The following S100A2 variants were observed in gnomAD, a reference collection of about 807,000 sequenced individuals.
S100A2 encodes the protein protein S100-A2.
Under a neutral mutation model 4.3 loss-of-function variants are expected in S100A2, and 5 were observed. The ratio of observed to expected loss-of-function variants is 1.16; its 90% CI spans 0.61 to 2.44. S100A2 has a LOEUF of 2.44. Among genes scored for constraint, S100A2 ranks in the 30% most tolerant of loss-of-function variants. The pLI is 0.01. For missense variants in S100A2, 103 were observed against 114.7 expected (o/e 0.90, Z 0.47); for synonymous variants, 44 against 46.0 (o/e 0.96, Z 0.17).
intron 2 of S100A2, among the ~76,000 whole-genome samples, chr1:153,562,633 G>A (rs1665918293): frequency 6.6e-6 from 1 of 152,146 alleles, no homozygotes; most frequent in South Asian, 2.1e-4. Flanking sequence ...TCCACAAAAT[G>A]TCCCAGACTA....
Position 153,564,899 on chromosome 1 carries a change from C to T in S100A2, c.-11+607G>A, listed in dbSNP as rs544915629. 6.1e-5 allele frequency among the ~76,000 whole-genome samples: 9 copies of T among 147,206 alleles called. No homozygotes were observed. The East Asian group carries it at 1.8e-3, about 29-fold the overall frequency. On this transcript the variant is annotated intron_variant, in intron 1 of 2. Transcript: ENST00000368708. ...AGGATTCTTTTTGCAGCAACGCCCA[C>T]ATGCACACCTCCTGCTCCTAGGCCT... is the stretch of plus-strand genomic sequence containing the variant.
intron 2 of S100A2, chr1:153,563,364 C>T (rs1392623261): frequency 6.6e-7 from 1 of 1,508,712 alleles, no homozygotes; most frequent in African/African-American, 1.4e-5. Flanking sequence ...AAGAGGGAAA[C>T]TCCATCTCAA....
At chr1:153,563,529 C>G (rs927473029) in intron 2 of S100A2, 43 of 1,550,884 alleles carry the variant, frequency 2.8e-5, no homozygotes, top group Non-Finnish European at 3.4e-5. Flanking sequence ...ACATGGTTCT[C>G]TGGAATGCTG....
intron 2 of S100A2, chr1:153,563,444 T>C (rs1393681525): frequency 6.4e-7 from 1 of 1,550,470 alleles, no homozygotes; most frequent in South Asian, 1.2e-5. Context: ...GACAATCACT[T>C]TTCCCTTCTG....
At chr1:153,561,669 T>A in intron 2 of S100A2, 78 bp from the exon 3 acceptor site, 22 of 1,604,272 alleles carry the variant, frequency 1.4e-5, no homozygotes, top group Non-Finnish European at 1.8e-5. Flanking sequence ...CCCTCACACA[T>A]TCAGGTTGGT....
intron 2 of S100A2, among the ~76,000 whole-genome samples, chr1:153,561,993 G>A (rs1665904857): frequency 6.6e-6 from 1 of 152,208 alleles, no homozygotes; most frequent in Non-Finnish European, 1.5e-5. Context: ...ACAAGGTCTT[G>A]CTCTGTTGCC....
Position 153,563,826 on chromosome 1 carries a change from G to A in S100A2, c.52C>T (p.His18Tyr). ...QALAVLVTTF[H>Y]KYSCQEGDKF... ...TCGCCCTCTTGGCAGGAGTACTTGT[G>A]GAAGGTAGTGACCAGCACAGCCAGC... Residue 18 changes from histidine (H) to tyrosine (Y), a missense_variant, in exon 2 of 3, where the codon CAC becomes TAC. Coordinates refer to ENST00000368708, the MANE Select transcript of S100A2 (RefSeq NM_005978.4). 1 of 1,614,220 alleles carries A rather than the reference G, an allele frequency of 6.2e-7. No individual in the cohort carries two copies. The highest frequency in any genetic ancestry group is 8.5e-7 in the Non-Finnish European group (1 of 1,180,038).
At chr1:153,563,513 C>G in intron 2 of S100A2, 1 of 1,550,724 alleles carries the variant, frequency 6.4e-7, no homozygotes, top group East Asian at 2.4e-5. Context: ...GGAAGGCCCT[C>G]ACAGCACATG....
Position 153,563,870 on chromosome 1 carries a change from C to G in S100A2, c.8G>C (p.Cys3Ser), listed in dbSNP as rs2233868. The change falls in exon 2 of 3, where the codon TGC becomes TCC. Residue 3 changes from cysteine (C) to serine (S), a missense_variant. Cys to Ser is a moderately radical substitution (Grantham distance 112, BLOSUM62 -1). Transcript: ENST00000368708. Reference sequence around the variant, plus strand: ...AGCCAGCGCCTGCTCCAGAGAACTGCACATCATGGATCTGTGGCTGCAGAG... The same window carrying G: ...AGCCAGCGCCTGCTCCAGAGAACTGGACATCATGGATCTGTGGCTGCAGAG... MM[C>S]SSLEQALAVL... is the part of the protein sequence containing the mutation. The G allele has an allele frequency of 2.0e-3, 3,287 of 1,613,900 alleles. 99 individuals are homozygous for G. The Admixed American group carries it at 0.049, about 24-fold the overall frequency.
At position 153,563,378 on chromosome 1, in the gene S100A2, A is replaced by G. The variant is rs777284405; in HGVS notation, c.144+356T>C. The G allele has an allele frequency of 5.3e-5, 81 of 1,526,144 alleles. 1 individual carries two copies. In the African/African-American group the frequency reaches 1.1e-3, roughly 20 times the overall value. The allele number at this position is 1,526,144 out of a possible 1,614,324, so 94.5% of individuals were successfully genotyped here. ...CAAGAGGGAAACTCCATCTCAAAAA[A>G]AAAAAAAAGAAAAGAAAAGAGAGAG... On this transcript the variant is annotated intron_variant, in intron 2 of 2. Transcript: ENST00000368708.
intron 1 of S100A2, among the ~76,000 whole-genome samples, chr1:153,564,462 G>A (rs1665964114): frequency 6.6e-6 from 1 of 152,208 alleles, no homozygotes; most frequent in Non-Finnish European, 1.5e-5. Context: ...AGAGGGTGGG[G>A]AATGTGTCTC....
rs1160093973 is a variant in S100A2, at chr1:153,562,625, C to T, written c.145-1034G>A. ...CAAATTGAAGGTCGATGCATTTCTC[C>T]ACAAAATGTCCCAGACTATATATCT... On this transcript the variant is annotated intron_variant, in intron 2 of 2. Transcript: ENST00000368708. Among the ~76,000 whole-genome samples the T allele has an allele frequency of 3.9e-5, 6 of 152,198 alleles. No individual in the cohort carries two copies. The East Asian group carries it at 1.2e-3, about 29-fold the overall frequency.
intron 2 of S100A2, among the ~76,000 whole-genome samples, chr1:153,562,373 C>T (rs1665912243): frequency 6.6e-6 from 1 of 152,146 alleles, no homozygotes; most frequent in African/African-American, 2.4e-5. Flanking sequence ...AACTCCTGGG[C>T]TTAAGAGATC....
rs1316067749 is a variant in S100A2 at position 153,561,384 on chromosome 1, G to A, written c.*55C>T. On this transcript the variant is annotated 3_prime_UTR_variant, in exon 3 of 3. Transcript: ENST00000368708. ...AAGTTTATTGAATACAAAACTCAAAGGCATCAACAGTCCTGGGCCCAAGAG... is the reference window on the plus strand; with the variant it reads ...AAGTTTATTGAATACAAAACTCAAAAGCATCAACAGTCCTGGGCCCAAGAG... 12 of 1,568,824 alleles carry A rather than the reference G, an allele frequency of 7.6e-6. No homozygotes were observed. Among genetic ancestry groups the A allele is most frequent in the Non-Finnish European group, 1.0e-5 (12 of 1,153,826 alleles).
rs1238437901 is a variant in S100A2 at position 153,561,600 on chromosome 1, G to T, written c.145-9C>A. On this transcript the variant is annotated splice_polypyrimidine_tract_variant and intron_variant, in intron 2 of 2. Coordinates refer to ENST00000368708, the MANE Select transcript of S100A2 (RefSeq NM_005978.4). ...TCCTCATCCACTTTCTCCTGAAAGT[G>T]ACAGGAAATACACTCATCACCAAGC... 2 of 1,614,086 alleles carry T rather than the reference G, an allele frequency of 1.2e-6. No individual in the cohort carries two copies. Among genetic ancestry groups the T allele is most frequent in the Admixed American group, 1.7e-5 (1 of 60,024 alleles).
In S100A2 at chr1:153,561,258, G is replaced by A. The variant is rs1331539975; in HGVS notation, c.*181C>T. The A allele has an allele frequency of 3.1e-6, 2 of 642,480 alleles. No individual in the cohort carries two copies. The highest frequency in any genetic ancestry group is 2.6e-6 in the Non-Finnish European group (1 of 384,252). 39.8% of individuals were successfully genotyped at this position (642,480 alleles called of 1,614,324 possible). A position where few individuals can be genotyped will look rare whatever the true frequency, so the allele number is the denominator to read the frequency against. On this transcript the variant is annotated 3_prime_UTR_variant, in exon 3 of 3. Coordinates refer to ENST00000368708, the MANE Select transcript of S100A2 (RefSeq NM_005978.4). ...TTTCCAGGAGAGTCAGAGCCCAGAA[G>A]GGAGCAGGATCCAGGAGGCCCTCAT... is the stretch of plus-strand genomic sequence containing the variant.
chr1:153,563,974 C>T, intron 1 of S100A2, 87 bp from the exon 2 acceptor site: 1 of 1,352,732 alleles, frequency 7.4e-7, no homozygotes, highest in East Asian at 2.4e-5. Flanking sequence ...CCTATGCCCC[C>T]AAGCCACCTC....
chr1:153,563,748 G>A lies in S100A2; in HGVS notation c.130C>T (p.Pro44Ser). ...EMKELLHKEL[P>S]SFVGEKVDEE... Reference sequence around the variant, plus strand: ...GTGCCACTCACCCCCACAAAGCTGGGCAGCTCCTTGTGCAGAAGTTCCTTC... The same window carrying A: ...GTGCCACTCACCCCCACAAAGCTGGACAGCTCCTTGTGCAGAAGTTCCTTC... Residue 44 changes from proline to serine, a missense_variant, in exon 2 of 3, where the codon CCC becomes TCC. Pro to Ser is a moderately conservative substitution (Grantham distance 74, BLOSUM62 -1). Coordinates refer to ENST00000368708, the MANE Select transcript of S100A2 (RefSeq NM_005978.4). The A allele has an allele frequency of 6.2e-7, 1 of 1,613,994 alleles. No individual in the cohort carries two copies. Among genetic ancestry groups the A allele is most frequent in the Non-Finnish European group, 8.5e-7 (1 of 1,179,894 alleles).
rs1165011488 is a variant in S100A2 at position 153,561,746 on chromosome 1, G to A, written c.145-155C>T. On this transcript the variant is annotated intron_variant, in intron 2 of 2. Transcript: ENST00000368708. ...GGCAGGAGGCCCTGGGAGCTACCAA[G>A]AGGGCCCAGTGAGTAAGGAGAGAGA... 2.0e-5 allele frequency among the ~76,000 whole-genome samples: 3 copies of A among 152,238 alleles called. No homozygotes were observed. The East Asian group carries it at 5.8e-4, about 29-fold the overall frequency.
Sources: allele counts gnomAD v4.1 joint callset (sites outside exome capture counted in the v4.1 genomes callset), GRCh38; gene constraint gnomAD v4.1.1; transcripts MANE v1.5; gene names NCBI Gene and HGNC (gene_info 2026-07-23, HGNC 2026-07-21).